The following TMEM217B variants were observed in gnomAD, a reference collection of about 807,000 sequenced individuals.
TMEM217B encodes transmembrane protein 217B.
chr6:37,235,357 G>A, the TMEM217B span, among the ~76,000 whole-genome samples: 1 of 151,914 alleles, frequency 6.6e-6, no homozygotes, highest in Non-Finnish European at 1.5e-5. Flanking sequence ...GAATACAAAT[G>A]TATTTCTTTT....
At chr6:37,231,152 C>A in the TMEM217B span, among the ~76,000 whole-genome samples, 9 of 151,696 alleles carry the variant, frequency 5.9e-5, no homozygotes, top group Non-Finnish European at 1.2e-4. Flanking sequence ...CTCCACCTCC[C>A]GGGTTCAAGC....
the TMEM217B span, among the ~76,000 whole-genome samples, chr6:37,242,320 C>T: frequency 1.3e-5 from 2 of 152,220 alleles, no homozygotes; most frequent in African/African-American, 4.8e-5. Context: ...CTCTATTCCC[C>T]CCAAGGGAAG....
At chr6:37,249,412 CAGGT>C in the TMEM217B span, among the ~76,000 whole-genome samples, 1 of 152,050 alleles carries the variant, frequency 6.6e-6, no homozygotes, top group African/African-American at 2.4e-5. Context: ...CTCCACTTTC[CAGGT>C]TCAAGCAATT....
the TMEM217B span, among the ~76,000 whole-genome samples, chr6:37,236,292 A>C: frequency 6.6e-6 from 1 of 152,124 alleles, no homozygotes; most frequent in Non-Finnish European, 1.5e-5. Flanking sequence ...CTGGCCATTT[A>C]TTTTTAAATA....
At chr6:37,247,249 T>C in the TMEM217B span, among the ~76,000 whole-genome samples, 599 of 152,258 alleles carry the variant, frequency 3.9e-3, 3 homozygotes, top group African/African-American at 0.014. Context: ...TAATTTTAGT[T>C]TGGATTCTCC....
chr6:37,255,200 C>T, the TMEM217B span, among the ~76,000 whole-genome samples: 43 of 152,068 alleles, frequency 2.8e-4, 1 homozygote, highest in East Asian at 5.8e-3. Flanking sequence ...TAGAGCCAGG[C>T]AATAAGACCA....
chr6:37,236,893 C>T, the TMEM217B span, among the ~76,000 whole-genome samples: 2 of 152,100 alleles, frequency 1.3e-5, no homozygotes, highest in African/African-American at 2.4e-5. Context: ...AGATGCCTGG[C>T]GATTGCTCTT....
the TMEM217B span, chr6:37,217,698 G>A: frequency 5.1e-6 from 5 of 984,944 alleles, no homozygotes; most frequent in African/African-American, 1.7e-5. Context: ...AAGACACAGT[G>A]GGGAAATCAT....
the TMEM217B span, among the ~76,000 whole-genome samples, chr6:37,216,265 G>A: frequency 6.6e-6 from 1 of 152,162 alleles, no homozygotes; most frequent in East Asian, 1.9e-4. Flanking sequence ...TTTTAGTAGA[G>A]AAGGGGTCTC....
the TMEM217B span, chr6:37,213,023 G>A: frequency 1.3e-5 from 19 of 1,455,566 alleles, no homozygotes; most frequent in African/African-American, 5.7e-5. Context: ...ATACAGACAC[G>A]TGACAAGATG....
chr6:37,255,978 C>T, the TMEM217B span, among the ~76,000 whole-genome samples: 3 of 152,142 alleles, frequency 2.0e-5, no homozygotes, highest in Admixed American at 6.5e-5. Flanking sequence ...GTTAACTACA[C>T]CCCCTGGGAA....
chr6:37,252,633 A>AT, the TMEM217B span, among the ~76,000 whole-genome samples: 38 of 75,254 alleles, frequency 5.0e-4, no homozygotes, highest in African/African-American at 2.1e-3. Context: ...ATATATATAT[A>AT]TATATTTTTT....
chr6:37,219,183 A>C, the TMEM217B span: 2 of 735,196 alleles, frequency 2.7e-6, no homozygotes, highest in Non-Finnish European at 4.4e-6. Context: ...CCTTGGGAAG[A>C]CACAGGCTGT....
At chr6:37,222,625 G>C in the TMEM217B span, among the ~76,000 whole-genome samples, 1 of 152,252 alleles carries the variant, frequency 6.6e-6, no homozygotes, top group Non-Finnish European at 1.5e-5. Context: ...GCACCTGGGA[G>C]GGCAGATCCT....
At chr6:37,218,551 G>A in the TMEM217B span, 1 of 1,614,112 alleles carries the variant, frequency 6.2e-7, no homozygotes, top group Non-Finnish European at 8.5e-7. Flanking sequence ...AAATTATATT[G>A]CCCTGGCTCC....
At chr6:37,251,976 C>A in the TMEM217B span, among the ~76,000 whole-genome samples, 1 of 152,176 alleles carries the variant, frequency 6.6e-6, no homozygotes, top group Non-Finnish European at 1.5e-5. Context: ...TCACTGCAAC[C>A]TCCACCTCCC....
the TMEM217B span, among the ~76,000 whole-genome samples, chr6:37,237,733 T>A: frequency 6.6e-6 from 1 of 152,136 alleles, no homozygotes; most frequent in Non-Finnish European, 1.5e-5. Context: ...AACAATATGG[T>A]AGAATCTTAA....
chr6:37,257,310 C>T, the TMEM217B span, among the ~76,000 whole-genome samples: 1 of 152,108 alleles, frequency 6.6e-6, no homozygotes, highest in African/African-American at 2.4e-5. Flanking sequence ...GCTATCGGGT[C>T]CCTGCTGACC....
At chr6:37,226,332 G>A in the TMEM217B span, among the ~76,000 whole-genome samples, 33 of 112,856 alleles carry the variant, frequency 2.9e-4, no homozygotes, top group African/African-American at 5.9e-4. Flanking sequence ...TCGCTCTTTC[G>A]CCCAGGCTGG....
Sources: gnomAD v4.1 joint callset for allele counts (sites outside exome capture counted in the v4.1 genomes callset) on GRCh38, gnomAD v4.1.1 for gene constraint, MANE v1.5 for transcripts, NCBI Gene and HGNC (gene_info 2026-07-23, HGNC 2026-07-21) for gene names.